ARL13B: variants seen among roughly 807,000 people sequenced by gnomAD.
ARL13B encodes ADP-ribosylation factor-like protein 13B.
Under a neutral mutation model 56.1 loss-of-function variants are expected in ARL13B, and 36 were observed. That is an observed-to-expected ratio of 0.64 (90% confidence interval 0.49 to 0.85). The LOEUF is 0.85. ARL13B is among the 40% of genes least tolerant of loss of function. The probability of loss-of-function intolerance (pLI) is 0.00; values close to 1 mark genes in which losing one functional copy is unlikely to be tolerated. For synonymous variants in ARL13B, 178 were observed against 171.1 expected (o/e 1.04, Z -0.32); for missense variants, 519 against 507.1 (o/e 1.02, Z -0.23).
intron 6 of ARL13B, 109 bp from the exon 7 acceptor site, chr3:94,042,906 A>G (rs2076886407): frequency 3.7e-6 from 3 of 818,108 alleles, no homozygotes; most frequent in East Asian, 2.7e-5. Flanking sequence ...GAAGTCTCAC[A>G]GTGTCCTTGA....
chr3:94,021,400 G>A (rs2076446528), intron 3 of ARL13B, among the ~76,000 whole-genome samples: 1 of 151,882 alleles, frequency 6.6e-6, no homozygotes, highest in African/African-American at 2.4e-5. Context: ...TCACCATGTT[G>A]GCCAGGCTCA....
chr3:93,986,649 C>T (rs544154768), intron 1 of ARL13B, among the ~76,000 whole-genome samples: 2 of 152,194 alleles, frequency 1.3e-5, no homozygotes, highest in East Asian at 3.9e-4. Flanking sequence ...TTTTCTTTGA[C>T]TTGCATAATA....
intron 2 of ARL13B, among the ~76,000 whole-genome samples, chr3:94,000,945 A>G (rs546328035): frequency 1.6e-4 from 25 of 152,252 alleles, no homozygotes; most frequent in African/African-American, 6.0e-4. Flanking sequence ...ACATGAAAGG[A>G]AAAAAGAAAG....
At chr3:93,980,615 G>A (rs1034231728) in intron 1 of ARL13B, 133 bp downstream of exon 1, 2 of 1,096,350 alleles carry the variant, frequency 1.8e-6, no homozygotes, top group Non-Finnish European at 2.6e-6. Flanking sequence ...TTCCCAGGGT[G>A]TCCCGGGAGG....
chr3:94,006,167 C>T lies in ARL13B; in HGVS notation c.380+2259C>T, dbSNP rs990111095. ...ATATAAAAAATTAGCCGGGCATGCG[C>T]GCCTGTAGTCCCAGCTACTCGGGAG... On this transcript the variant is annotated intron_variant, in intron 3 of 9. Transcript: ENST00000394222. Among the ~76,000 whole-genome samples the T allele has an allele frequency of 2.6e-5, 4 of 151,914 alleles. 1 individual carries two copies. The East Asian group carries it at 5.8e-4, about 22-fold the overall frequency.
intron 3 of ARL13B, chr3:94,014,979 C>T: frequency 1.2e-6 from 2 of 1,613,996 alleles, no homozygotes; most frequent in Non-Finnish European, 1.7e-6. Context: ...GAATTTTTAT[C>T]TCCTTTGTAA....
rs957234055 is a variant in ARL13B, at chr3:94,024,482, A to C, written c.381-10849A>C. On this transcript the variant is annotated intron_variant, in intron 3 of 9. Transcript: ENST00000394222. ...ATTTTCACATTCCTCAAGAACTACA[A>C]CATCTTGAACTTTCTCTTTGGTTGC... 2.6e-5 allele frequency among the ~76,000 whole-genome samples: 4 copies of C among 152,312 alleles called. No homozygotes were observed. The South Asian group carries it at 8.3e-4, about 32-fold the overall frequency.
chr3:94,045,423 C>T (rs994042568), intron 7 of ARL13B, among the ~76,000 whole-genome samples: 4 of 139,478 alleles, frequency 2.9e-5, no homozygotes, highest in African/African-American at 1.1e-4. Flanking sequence ...CTCCGAGAAA[C>T]ACCCAAGAAT....
chr3:94,039,833 C>T (rs2076831703), intron 5 of ARL13B, 47 bp from the exon 6 acceptor site: 1 of 1,542,804 alleles, frequency 6.5e-7, no homozygotes, highest in Non-Finnish European at 8.9e-7. Context: ...TAACATGGTT[C>T]AGCACTTTCT....
At chr3:93,993,140 T>TTTATG (rs1475274645) in intron 1 of ARL13B, among the ~76,000 whole-genome samples, 2 of 151,694 alleles carry the variant, frequency 1.3e-5, no homozygotes, top group African/African-American at 2.4e-5. Flanking sequence ...TTTATTTTAT[T>TTTATG]TTTGAGATAC....
rs1321391158 is a variant in ARL13B at position 94,054,388 on chromosome 3, G to T, written c.*1125G>T. On this transcript the variant is annotated 3_prime_UTR_variant, in exon 10 of 10. Transcript: ENST00000394222. Reference sequence around the variant, plus strand: ...ATGATAGCACTTCTCTTGCACTTAAGAATGGCATCCATAAGATTCTGTATT... The same window carrying T: ...ATGATAGCACTTCTCTTGCACTTAATAATGGCATCCATAAGATTCTGTATT... 2.4e-6 allele frequency: 1 copy of T among 410,574 alleles called. No homozygotes were observed. The highest frequency in any genetic ancestry group is 1.8e-5 in the South Asian group (1 of 54,828). The allele number at this position is 410,574 out of a possible 1,614,324, so 25.4% of individuals were successfully genotyped here.
rs2077036543 is a variant in ARL13B at position 94,049,532 on chromosome 3, TTGATAC to T, written c.1141+20_1141+25del. On this transcript the variant is annotated intron_variant, in intron 8 of 9. Transcript: ENST00000394222. ...CCACCCCCTCCTCCTGGTGAGTAAA[TTGATAC>T]TGATACTGAATTTAGAAATATTGCT... 1.5e-6 allele frequency: 2 copies of T among 1,363,504 alleles called. No individual in the cohort carries two copies. The highest frequency in any genetic ancestry group is 2.0e-6 in the Non-Finnish European group (2 of 991,760). 84.5% of individuals were successfully genotyped at this position (1,363,504 alleles called of 1,614,324 possible). A position where few individuals can be genotyped will look rare whatever the true frequency, so the allele number is the denominator to read the frequency against.
At chr3:93,990,471 CT>C (rs1274426384) in intron 1 of ARL13B, among the ~76,000 whole-genome samples, 1 of 151,974 alleles carries the variant, frequency 6.6e-6, no homozygotes, top group African/African-American at 2.4e-5. Flanking sequence ...ATACAATAGC[CT>C]GAAGGTAATT....
chr3:94,000,867 C>G (rs976681308), intron 2 of ARL13B, among the ~76,000 whole-genome samples: 9 of 152,024 alleles, frequency 5.9e-5, no homozygotes, highest in Non-Finnish European at 1.3e-4. Context: ...TCTTTGTATT[C>G]CTGGTTCTTG....
rs1415630594 is a variant in ARL13B at position 94,054,139 on chromosome 3, TC to T, written c.*878del. 1.5e-5 allele frequency: 7 copies of T among 453,146 alleles called. No homozygotes were observed. Among genetic ancestry groups the T allele is most frequent in the African/African-American group, 1.4e-4 (7 of 49,988 alleles). 28.1% of individuals were successfully genotyped at this position (453,146 alleles called of 1,614,324 possible). A position where few individuals can be genotyped will look rare whatever the true frequency, so the allele number is the denominator to read the frequency against. On this transcript the variant is annotated 3_prime_UTR_variant, in exon 10 of 10. Transcript: ENST00000394222. ...CAAGGTGCTCCCTATACTCCCTTGTTCCATCAGAAGCTGCAGTGACTCTTTT... is the reference window on the plus strand; with the variant it reads ...CAAGGTGCTCCCTATACTCCCTTGTTCATCAGAAGCTGCAGTGACTCTTTT...
intron 1 of ARL13B, among the ~76,000 whole-genome samples, chr3:93,991,350 A>G (rs898767866): frequency 7.2e-5 from 11 of 152,102 alleles, no homozygotes; most frequent in African/African-American, 2.4e-4. Flanking sequence ...AATTTACCAT[A>G]TTTTTGTATG....
At chr3:94,017,521 C>A (rs1341671288) in intron 3 of ARL13B, among the ~76,000 whole-genome samples, 1 of 151,966 alleles carries the variant, frequency 6.6e-6, no homozygotes, top group African/African-American at 2.4e-5. Flanking sequence ...TGGTAATATT[C>A]CTTTGGTTTT....
Position 94,053,638 on chromosome 3 carries a change from T to A in ARL13B, c.*375T>A. ...ATAGCCTATATTTCTAGATATTAAA[T>A]ATTTTTTGTAAGATATATGCACATA... On this transcript the variant is annotated 3_prime_UTR_variant, in exon 10 of 10. Transcript: ENST00000394222. 1 of 445,022 alleles carries A rather than the reference T, an allele frequency of 2.2e-6. No individual in the cohort carries two copies. Among genetic ancestry groups the A allele is most frequent in the East Asian group, 6.9e-5 (1 of 14,598 alleles). 27.6% of individuals were successfully genotyped at this position (445,022 alleles called of 1,614,324 possible). A position where few individuals can be genotyped will look rare whatever the true frequency, so the allele number is the denominator to read the frequency against.
At chr3:94,008,726 TC>T (rs1229145424) in intron 3 of ARL13B, among the ~76,000 whole-genome samples, 7 of 152,266 alleles carry the variant, frequency 4.6e-5, no homozygotes, top group African/African-American at 1.7e-4. Flanking sequence ...TAGTTGAATC[TC>T]CTAATGCTTT....
Sources: allele counts gnomAD v4.1 joint callset (sites outside exome capture counted in the v4.1 genomes callset), GRCh38; gene constraint gnomAD v4.1.1; transcripts MANE v1.5; gene names NCBI Gene and HGNC (gene_info 2026-07-23, HGNC 2026-07-21).